LAIR1: variants seen among roughly 807,000 people sequenced by gnomAD.
LAIR1 encodes leukocyte associated immunoglobulin like receptor 1.
LAIR1 carries 24 observed loss-of-function variants against 32.8 expected under a neutral mutation model. The ratio of observed to expected loss-of-function variants is 0.73; its 90% CI spans 0.53 to 1.03. The LOEUF is 1.03. Among genes scored for constraint, LAIR1 ranks in the 50% least tolerant of loss-of-function variants. The pLI, the probability that LAIR1 is intolerant of heterozygous loss-of-function variation, is 0.00. For missense variants in LAIR1, 355 were observed against 347.5 expected, an observed-to-expected ratio of 1.02 and a Z score of -0.17; for synonymous variants, 150 against 140.5, an observed-to-expected ratio of 1.07 and a Z score of -0.48.
At chr19:54,357,096 A>G (rs2081756770) in intron 4 of LAIR1, 130 bp from the exon 5 acceptor site, 1 of 723,530 alleles carries the variant, frequency 1.4e-6, no homozygotes, top group South Asian at 1.8e-5. Context: ...CCTCTAGACC[A>G]GCACCGACCA....
At chr19:54,365,985 G>A (rs184910219), upstream of LAIR1, among the ~76,000 whole-genome samples, 29 of 152,292 alleles carry the variant, frequency 1.9e-4, no homozygotes, top group East Asian at 3.5e-3. Flanking sequence ...CAACACGGAC[G>A]AAACCTGAGG....
At chr19:54,371,316 AT>A (rs1392811050), upstream of LAIR1, among the ~76,000 whole-genome samples, 2 of 151,172 alleles carry the variant, frequency 1.3e-5, no homozygotes, top group Non-Finnish European at 2.9e-5. Context: ...TAAAAATTGT[AT>A]TTATTTATTT....
intron 2 of LAIR1, 105 bp from the exon 3 acceptor site, chr19:54,361,314 G>A: frequency 1.6e-6 from 2 of 1,274,404 alleles, no homozygotes; most frequent in South Asian, 1.3e-5. Context: ...ATTTTATAGA[G>A]TTATGCAGCC....
At chr19:54,375,457 G>C (rs1000381319), upstream of LAIR1, among the ~76,000 whole-genome samples, 1 of 152,208 alleles carries the variant, frequency 6.6e-6, no homozygotes, top group Non-Finnish European at 1.5e-5. Context: ...ATGAGGCTTA[G>C]TTCTTCCTTC....
At chr19:54,356,845 C>G in intron 5 of LAIR1, 83 bp downstream of exon 5, 1 of 1,539,156 alleles carries the variant, frequency 6.5e-7, no homozygotes, top group East Asian at 2.3e-5. Context: ...GAGCAGGAAT[C>G]TGATCAACCC....
chr19:54,370,809 T>G (rs1192256685), upstream of LAIR1, among the ~76,000 whole-genome samples: 1 of 150,820 alleles, frequency 6.6e-6, no homozygotes, highest in Non-Finnish European at 1.5e-5. Flanking sequence ...CCCTAATTAG[T>G]GCCTGACAAG....
chr19:54,375,663 A>G, the LAIR1 span, among the ~76,000 whole-genome samples: 2 of 152,020 alleles, frequency 1.3e-5, no homozygotes, highest in African/African-American at 2.4e-5. Context: ...CATTCACAAT[A>G]TACAACCTTC....
chr19:54,355,974 C>G lies in LAIR1; in HGVS notation c.697G>C (p.Asp233His). ...CTCACCGAGGTGTCCGTCTCTCTGTCCTTCTCAGGAAGTCCATTGACTGTG... is the reference window on the plus strand; with the variant it reads ...CTCACCGAGGTGTCCGTCTCTCTGTGCTTCTCAGGAAGTCCATTGACTGTG... The part of the protein sequence containing the change: ...KATVNGLPEK[D>H]RETDTSALAA... Residue 233 changes from aspartate to histidine, a missense_variant, in exon 9 of 10, where the codon GAC becomes CAC. Asp to His is a moderately conservative substitution (Grantham distance 81). Coordinates refer to ENST00000391742, the MANE Select transcript of LAIR1 (RefSeq NM_002287.6). This position sits in a 1 kb window ranked among gnomAD's most constrained non-coding sequence, Gnocchi z 4.7. The G allele has an allele frequency of 6.2e-7, 1 of 1,608,990 alleles. No homozygotes were observed. The highest frequency in any genetic ancestry group is 2.2e-5 in the East Asian group (1 of 44,860).
At chr19:54,371,285 A>G (rs868742469), upstream of LAIR1, among the ~76,000 whole-genome samples, 11 of 150,782 alleles carry the variant, frequency 7.3e-5, no homozygotes, top group African/African-American at 9.9e-5. Flanking sequence ...ATGTGTGTGT[A>G]TATATATATA....
At chr19:54,374,010 C>T (rs1249939953), upstream of LAIR1, among the ~76,000 whole-genome samples, 1 of 152,150 alleles carries the variant, frequency 6.6e-6, no homozygotes, top group Non-Finnish European at 1.5e-5. Context: ...AATGATGCAA[C>T]AAGACCAGGG....
At chr19:54,362,738 C>T (rs28396378) in intron 2 of LAIR1, among the ~76,000 whole-genome samples, 92,053 of 152,100 alleles carry the variant, frequency 0.61, 28,865 homozygotes, top group East Asian at 0.76. Flanking sequence ...CACCCACCTC[C>T]GCCTCCCAAA....
upstream of LAIR1, among the ~76,000 whole-genome samples, chr19:54,366,292 G>A (rs572334070): frequency 1.3e-5 from 2 of 152,312 alleles, no homozygotes; most frequent in South Asian, 4.1e-4. Context: ...AAACTTCTTA[G>A]AGATGGATTA....
chr19:54,358,334 T>C (rs747383887), intron 4 of LAIR1: 1 of 167,320 alleles, frequency 6.0e-6, no homozygotes, highest in Non-Finnish European at 1.2e-5. Flanking sequence ...TATAGTCATA[T>C]GTAGTGATAC....
In LAIR1 at chr19:54,352,172, T is replaced by C. The variant is rs2122256498; in HGVS notation, c.*3096A>G. ...TTACTCACAGGGACATCTGTGAATA[T>C]CTGCTGCTGCCCCATCTGGCCCCGG... On this transcript the variant is annotated 3_prime_UTR_variant, in exon 10 of 10. Coordinates refer to ENST00000391742, the MANE Select transcript of LAIR1 (RefSeq NM_002287.6). 6.5e-6 allele frequency: 1 copy of C among 153,392 alleles called. No homozygotes were observed. The highest frequency in any genetic ancestry group is 1.9e-4 in the East Asian group (1 of 5,202). The allele number at this position is 153,392 out of a possible 1,614,324, so 9.5% of individuals were successfully genotyped here.
Position 54,355,497 on chromosome 19 carries a change from A to G in LAIR1, c.718-83T>C. 2.3e-6 allele frequency: 3 copies of G among 1,281,982 alleles called. No homozygotes were observed. The highest frequency in any genetic ancestry group is 2.1e-6 in the Non-Finnish European group (2 of 933,312). 79.4% of individuals were successfully genotyped at this position (1,281,982 alleles called of 1,614,324 possible). On this transcript the variant is annotated intron_variant, in intron 9 of 9. Coordinates refer to ENST00000391742, the MANE Select transcript of LAIR1 (RefSeq NM_002287.6). This position sits in a 1 kb window ranked among gnomAD's most constrained non-coding sequence, Gnocchi z 4.7. ...GTGGGGAGGGAGGGCTGTGGCGGCCATCTCCATGGGCCCTGAGGACCCTCT... is the reference window on the plus strand; with the variant it reads ...GTGGGGAGGGAGGGCTGTGGCGGCCGTCTCCATGGGCCCTGAGGACCCTCT...
chr19:54,358,535 A>G, intron 4 of LAIR1: 1 of 1,607,692 alleles, frequency 6.2e-7, no homozygotes, highest in Non-Finnish European at 8.5e-7. Flanking sequence ...CATTCTAACT[A>G]TTTCTCCCCA....
chr19:54,366,541 TGAA>T (rs879450791), upstream of LAIR1, among the ~76,000 whole-genome samples: 4,700 of 151,964 alleles, frequency 0.031, 107 homozygotes, highest in Middle Eastern at 0.051. Flanking sequence ...CAGGCTGGAG[TGAA>T]GCAGTGCGAT....
intron 8 of LAIR1, 85 bp from the exon 9 acceptor site, chr19:54,356,091 G>T: frequency 7.7e-7 from 1 of 1,306,842 alleles, no homozygotes; most frequent in Non-Finnish European, 1.1e-6. Context: ...AGCTTCCGAT[G>T]ACATCCTGCA....
Position 54,356,285 on chromosome 19 carries a change from A to G in LAIR1, c.627-18T>C, listed in dbSNP as rs2081699710. 1 of 1,612,676 alleles carries G rather than the reference A, an allele frequency of 6.2e-7. No homozygotes were observed. Among genetic ancestry groups the G allele is most frequent in the African/African-American group, 1.3e-5 (1 of 74,826 alleles). On this transcript the variant is annotated intron_variant, in intron 7 of 9. Coordinates refer to ENST00000391742, the MANE Select transcript of LAIR1 (RefSeq NM_002287.6). ...GGTCAGGCCTAAGAGGAAAAATAAA[A>G]GTGAACCTCAGGGGCAGCCTGGCGG...
Sources: allele counts gnomAD v4.1 joint callset (sites outside exome capture counted in the v4.1 genomes callset), GRCh38; gene constraint gnomAD v4.1.1; non-coding constraint Gnocchi (gnomAD v3.1); transcripts MANE v1.5; gene names NCBI Gene and HGNC (gene_info 2026-07-23, HGNC 2026-07-21).